Variants in NCAM2 observed in about 807,000 individuals in gnomAD.
The protein encoded by NCAM2 is N-CAM-2.
Under a neutral mutation model 98.1 loss-of-function variants are expected in NCAM2, and 30 were observed. The observed-to-expected ratio is 0.31, with a 90% CI of 0.23 to 0.41. NCAM2 has a LOEUF of 0.41. Among genes scored for constraint, NCAM2 ranks in the 10% least tolerant of loss-of-function variants. NCAM2 has a pLI of 1.00. For synonymous variants in NCAM2, 368 were observed against 342.4 expected (o/e 1.07, Z -0.83); for missense variants, 867 against 1,005.8 (o/e 0.86, Z 1.87).
At chr21:21,250,812 A>T (rs2071441713) in intron 1 of NCAM2, among the ~76,000 whole-genome samples, 1 of 152,240 alleles carries the variant, frequency 6.6e-6, no homozygotes, top group African/African-American at 2.4e-5. Flanking sequence ...ATCCAGTGGT[A>T]AAGGATGATC....
chr21:21,335,040 A>T lies in NCAM2; in HGVS notation c.738-465A>T, dbSNP rs536191987. Among the ~76,000 whole-genome samples the T allele has an allele frequency of 8.5e-5, 13 of 152,212 alleles. No homozygotes were observed. In the South Asian group the frequency reaches 2.3e-3, roughly 27 times the overall value. On this transcript the variant is annotated intron_variant, in intron 6 of 17. Coordinates refer to ENST00000400546, the MANE Select transcript of NCAM2 (RefSeq NM_004540.5). ...CTTATATGCAATATACATTTATGAT[A>T]TATTTACATTGTATTTACTTTGAAG...
At chr21:21,346,602 A>T (rs2075195672) in intron 8 of NCAM2, among the ~76,000 whole-genome samples, 1 of 152,052 alleles carries the variant, frequency 6.6e-6, no homozygotes, top group Non-Finnish European at 1.5e-5. Context: ...CAGCACATGG[A>T]TCATTTTCAA....
intron 16 of NCAM2, among the ~76,000 whole-genome samples, chr21:21,534,111 T>C (rs925704942): frequency 6.6e-6 from 1 of 152,004 alleles, no homozygotes; most frequent in Non-Finnish European, 1.5e-5. Flanking sequence ...TTTTAAAATT[T>C]TAAAATGTTT....
chr21:21,323,379 T>G (rs1442209199), intron 5 of NCAM2, among the ~76,000 whole-genome samples: 2 of 152,186 alleles, frequency 1.3e-5, no homozygotes, highest in African/African-American at 2.4e-5. Context: ...AGTTCTTATC[T>G]CTACCATCAA....
chr21:21,169,668 G>T (rs1416455111), intron 1 of NCAM2, among the ~76,000 whole-genome samples: 5 of 152,198 alleles, frequency 3.3e-5, no homozygotes, highest in Non-Finnish European at 2.9e-5. Flanking sequence ...TATACAGACA[G>T]CCAGGCATGG....
At chr21:21,269,972 A>G (rs775677085) in intron 1 of NCAM2, among the ~76,000 whole-genome samples, 8 of 152,204 alleles carry the variant, frequency 5.3e-5, no homozygotes, top group Non-Finnish European at 1.2e-4. Flanking sequence ...GTTTCTACAC[A>G]AGGTTTATGC....
At chr21:21,439,583 T>G (rs1233605155) in intron 12 of NCAM2, among the ~76,000 whole-genome samples, 1 of 152,194 alleles carries the variant, frequency 6.6e-6, no homozygotes, top group Non-Finnish European at 1.5e-5. Flanking sequence ...AATATAGATT[T>G]TGATTTATAA....
intron 1 of NCAM2, among the ~76,000 whole-genome samples, chr21:21,202,141 C>T (rs1449016496): frequency 6.6e-6 from 1 of 152,074 alleles, no homozygotes; most frequent in Admixed American, 6.5e-5. Flanking sequence ...GGCTTTGGAG[C>T]TGGAATATCA....
At chr21:21,070,233 C>A (rs767239067) in intron 1 of NCAM2, among the ~76,000 whole-genome samples, 77 of 150,050 alleles carry the variant, frequency 5.1e-4, no homozygotes, top group Non-Finnish European at 6.9e-4. Context: ...TATAAAAGTA[C>A]ACACACCTAT....
chr21:21,466,208 G>A (rs1027804251), intron 12 of NCAM2, among the ~76,000 whole-genome samples: 1 of 151,964 alleles, frequency 6.6e-6, no homozygotes, highest in Admixed American at 6.6e-5. Context: ...TAAATTCCAT[G>A]ATTCTATTAA....
In NCAM2 at chr21:21,124,255, C is replaced by T. The variant is rs182752224; in HGVS notation, c.55+125637C>T. On this transcript the variant is annotated intron_variant, in intron 1 of 17. Transcript: ENST00000400546. The stretch of plus-strand genomic sequence containing the variant: ...CAAGGTAATGCTGACCAAACTCTTG[C>T]TGTTTTCCATAATATTTTTAAATTA... 4.6e-5 allele frequency among the ~76,000 whole-genome samples: 7 copies of T among 152,166 alleles called. No individual in the cohort carries two copies. In the East Asian group the frequency reaches 1.4e-3, roughly 29 times the overall value.
chr21:21,486,143 A>G lies in NCAM2; in HGVS notation c.2077+8672A>G, dbSNP rs142501585. Among the ~76,000 whole-genome samples, 369 of 152,052 alleles carry G rather than the reference A, an allele frequency of 2.4e-3. 2 individuals carry two copies. The highest frequency in any genetic ancestry group is 8.3e-3 in the African/African-American group (345 of 41,498). ...ACGGTAAAACCCCGTCTCTACTAAA[A>G]AATGCAAAAAATTAGCCGGGCGTGG... On this transcript the variant is annotated intron_variant, in intron 15 of 17. Transcript: ENST00000400546.
chr21:21,454,293 GT>G (rs1329866412), intron 12 of NCAM2, among the ~76,000 whole-genome samples: 1 of 152,022 alleles, frequency 6.6e-6, no homozygotes, highest in Non-Finnish European at 1.5e-5. Flanking sequence ...GAGTGTGTAT[GT>G]TTGTGTATAC....
At chr21:21,176,045 G>C (rs888841935) in intron 1 of NCAM2, among the ~76,000 whole-genome samples, 5 of 152,118 alleles carry the variant, frequency 3.3e-5, no homozygotes, top group African/African-American at 1.2e-4. Flanking sequence ...TAGATGTTCT[G>C]TGAGTTACCA....
intron 1 of NCAM2, among the ~76,000 whole-genome samples, chr21:21,105,910 C>G (rs1292984897): frequency 6.6e-6 from 1 of 152,028 alleles, no homozygotes; most frequent in Non-Finnish European, 1.5e-5. Flanking sequence ...ATAGGCTCAT[C>G]ATATCGTATA....
chr21:21,070,447 A>C (rs1009009347), intron 1 of NCAM2, among the ~76,000 whole-genome samples: 1 of 152,140 alleles, frequency 6.6e-6, no homozygotes, highest in Non-Finnish European at 1.5e-5. Context: ...CTAATGAAGG[A>C]GGAGTAATCA....
chr21:21,518,412 A>T (rs1988830513), intron 16 of NCAM2, among the ~76,000 whole-genome samples: 1 of 152,202 alleles, frequency 6.6e-6, no homozygotes, highest in Non-Finnish European at 1.5e-5. Flanking sequence ...ACTAAATGAG[A>T]TACAAATAAG....
At chr21:21,508,597 A>G (rs1041712590) in intron 15 of NCAM2, among the ~76,000 whole-genome samples, 19 of 151,912 alleles carry the variant, frequency 1.3e-4, no homozygotes, top group African/African-American at 4.6e-4. Context: ...TAATAAAAAA[A>G]AAAGAAGTTT....
chr21:21,263,399 G>A (rs2071998190), intron 1 of NCAM2, among the ~76,000 whole-genome samples: 1 of 151,916 alleles, frequency 6.6e-6, no homozygotes, highest in Non-Finnish European at 1.5e-5. Context: ...CCATGCTAAT[G>A]GATAGGAAAA....
Sources: allele counts gnomAD v4.1 joint callset (sites outside exome capture counted in the v4.1 genomes callset), GRCh38; gene constraint gnomAD v4.1.1; transcripts MANE v1.5; gene names NCBI Gene and HGNC (gene_info 2026-07-23, HGNC 2026-07-21).